NRCAM: variants seen among roughly 807,000 people sequenced by gnomAD.
The protein encoded by NRCAM is neuronal cell adhesion molecule.
NRCAM carries 83 observed loss-of-function variants against 156.5 expected under a neutral mutation model. That is an observed-to-expected ratio of 0.53 (90% CI 0.44 to 0.64). NRCAM has a LOEUF of 0.64. Ranked by LOEUF, NRCAM falls within the 30% of genes least tolerant of loss-of-function variation. The pLI is 0.00. For synonymous variants in NRCAM, 538 were observed against 563.9 expected, an observed-to-expected ratio of 0.95 and a Z score of 0.65; for missense variants, 1,417 against 1,597.3, an observed-to-expected ratio of 0.89 and a Z score of 1.92.
At chr7:108,387,034 C>T (rs554688049) in intron 2 of NRCAM, among the ~76,000 whole-genome samples, 1 of 152,196 alleles carries the variant, frequency 6.6e-6, no homozygotes, top group East Asian at 1.9e-4. Context: ...TAATGTATGT[C>T]CATTTCCTCT....
At chr7:108,418,897 GA>G (rs35754585) in intron 1 of NRCAM, among the ~76,000 whole-genome samples, 2 of 151,902 alleles carry the variant, frequency 1.3e-5, no homozygotes, top group African/African-American at 2.4e-5. Context: ...ATATTCTGGG[GA>G]AAAAAATCTG....
chr7:108,315,012 C>T (rs191316915), intron 2 of NRCAM, among the ~76,000 whole-genome samples: 105 of 151,660 alleles, frequency 6.9e-4, no homozygotes, highest in Admixed American at 2.4e-3. Flanking sequence ...CCCCCACCCC[C>T]CCAACAACCC....
chr7:108,307,925 G>A (rs981003781), intron 3 of NRCAM, among the ~76,000 whole-genome samples: 1 of 152,190 alleles, frequency 6.6e-6, no homozygotes, highest in Non-Finnish European at 1.5e-5. Flanking sequence ...AGGCACACAT[G>A]TCTACCTTTG....
chr7:108,418,227 T>C (rs1804227556), intron 1 of NRCAM, among the ~76,000 whole-genome samples: 1 of 152,160 alleles, frequency 6.6e-6, no homozygotes, highest in Non-Finnish European at 1.5e-5. Flanking sequence ...CTTGCTGACT[T>C]GTATTTCTGG....
At chr7:108,257,790 A>G (rs969430246) in intron 3 of NRCAM, among the ~76,000 whole-genome samples, 1 of 152,132 alleles carries the variant, frequency 6.6e-6, no homozygotes, top group Non-Finnish European at 1.5e-5. Flanking sequence ...TTGATTTCAA[A>G]TCAAAATTGC....
intron 11 of NRCAM, among the ~76,000 whole-genome samples, chr7:108,217,945 G>T (rs543993850): frequency 6.6e-6 from 1 of 152,024 alleles, no homozygotes; most frequent in Non-Finnish European, 1.5e-5. Flanking sequence ...TCTCACTGGC[G>T]TTCCAGGCAC....
intron 2 of NRCAM, among the ~76,000 whole-genome samples, chr7:108,330,756 C>A (rs984650898): frequency 6.6e-6 from 1 of 152,150 alleles, no homozygotes; most frequent in Non-Finnish European, 1.5e-5. Flanking sequence ...GCTCTGTCTT[C>A]CAAAATGTAA....
intron 3 of NRCAM, among the ~76,000 whole-genome samples, chr7:108,308,558 T>A (rs1056021353): frequency 1.3e-5 from 2 of 152,098 alleles, no homozygotes; most frequent in Non-Finnish European, 2.9e-5. Context: ...GGGGAACACA[T>A]AAAAGTTGCA....
chr7:108,261,976 A>G (rs934340045), intron 3 of NRCAM, among the ~76,000 whole-genome samples: 2 of 152,070 alleles, frequency 1.3e-5, no homozygotes, highest in African/African-American at 4.8e-5. Flanking sequence ...TCACCAGTCC[A>G]CTGGGATCAA....
intron 8 of NRCAM, 152 bp from the exon 9 acceptor site, chr7:108,226,530 T>TAAAAAAAAAAAAAA (rs3078782): frequency 2.7e-6 from 1 of 371,306 alleles, no homozygotes; most frequent in Non-Finnish European, 4.8e-6. Flanking sequence ...CAAATAACTG[T>TAAAAAAAAAAAAAA]AAAAAAAAAA....
intron 2 of NRCAM, among the ~76,000 whole-genome samples, chr7:108,363,956 C>A (rs1373053174): frequency 6.6e-6 from 1 of 151,962 alleles, no homozygotes; most frequent in Non-Finnish European, 1.5e-5. Context: ...TAGATAGGAT[C>A]CTGGGACAGA....
intron 11 of NRCAM, among the ~76,000 whole-genome samples, chr7:108,222,865 T>C (rs2092691468): frequency 6.6e-6 from 1 of 152,166 alleles, no homozygotes; most frequent in South Asian, 2.1e-4. Flanking sequence ...AGACAGGGAC[T>C]ATATAGAAAT....
At chr7:108,418,156 T>C (rs1804129582) in intron 1 of NRCAM, among the ~76,000 whole-genome samples, 1 of 152,144 alleles carries the variant, frequency 6.6e-6, no homozygotes, top group South Asian at 2.1e-4. Context: ...CCTTGAGTCA[T>C]GGCTACCACA....
intron 6 of NRCAM, among the ~76,000 whole-genome samples, chr7:108,233,489 T>C (rs537972193): frequency 6.6e-6 from 1 of 152,248 alleles, no homozygotes; most frequent in African/African-American, 2.4e-5. Flanking sequence ...ACTCCATATA[T>C]CAACAATGCT....
intron 2 of NRCAM, among the ~76,000 whole-genome samples, chr7:108,346,507 T>C (rs1334439359): frequency 6.6e-6 from 1 of 152,244 alleles, no homozygotes; most frequent in African/African-American, 2.4e-5. Flanking sequence ...AGCTGGTTAA[T>C]TCCATTAGGC....
At chr7:108,281,140 A>C (rs2097845372) in intron 3 of NRCAM, among the ~76,000 whole-genome samples, 1 of 152,108 alleles carries the variant, frequency 6.6e-6, no homozygotes, top group Non-Finnish European at 1.5e-5. Context: ...AAAAATTATA[A>C]AATATAAATC....
At chr7:108,315,025 T>C (rs1387099998) in intron 2 of NRCAM, among the ~76,000 whole-genome samples, 1 of 147,558 alleles carries the variant, frequency 6.8e-6, no homozygotes, top group Non-Finnish European at 1.5e-5. Flanking sequence ...AACAACCCAG[T>C]CAATTCTGTC....
At chr7:108,238,378 G>A (rs181728704) in intron 4 of NRCAM, among the ~76,000 whole-genome samples, 1 of 152,290 alleles carries the variant, frequency 6.6e-6, no homozygotes, top group Admixed American at 6.5e-5. Flanking sequence ...CCCACACCAA[G>A]GACTTGTTCA....
At chr7:108,425,060 C>T (rs1597505093) in intron 1 of NRCAM, among the ~76,000 whole-genome samples, 1 of 152,252 alleles carries the variant, frequency 6.6e-6, no homozygotes, top group East Asian at 1.9e-4. Context: ...TCAGTAAAGT[C>T]TTCCCCCAAC....
Sources: gnomAD v4.1 joint callset for allele counts (sites outside exome capture counted in the v4.1 genomes callset) on GRCh38, gnomAD v4.1.1 for gene constraint, MANE v1.5 for transcripts, NCBI Gene and HGNC (gene_info 2026-07-23, HGNC 2026-07-21) for gene names.